FEZ2: variants seen among roughly 807,000 people sequenced by gnomAD.
The protein encoded by FEZ2 is fasciculation and elongation protein zeta 2.
In FEZ2, 51 loss-of-function variants were observed where a neutral mutation model predicts 40.4. The ratio of observed to expected loss-of-function variants is 1.26; its 90% CI spans 1.01 to 1.59. The LOEUF is 1.59. Ranked by LOEUF, FEZ2 falls within the 40% of genes most tolerant of loss-of-function variation. The probability of loss-of-function intolerance (pLI) is 0.00; values close to 1 mark genes in which losing one functional copy is unlikely to be tolerated. For missense variants in FEZ2, 640 were observed against 438.3 expected (o/e 1.46, Z -4.11); for synonymous variants, 242 against 172.0 (o/e 1.41, Z -3.18).
intron 7 of FEZ2, chr2:36,555,444 T>G: frequency 9.2e-6 from 3 of 327,344 alleles, no homozygotes; most frequent in Non-Finnish European, 1.1e-5. Context: ...CTCTTGATGT[T>G]TATAGTTTAA....
Position 36,583,398 on chromosome 2 carries a change from G to A in FEZ2, c.447C>T (p.Ile149=). 6.2e-7 allele frequency: 1 copy of A among 1,607,742 alleles called. No individual in the cohort carries two copies. The highest frequency in any genetic ancestry group is 2.2e-5 in the East Asian group (1 of 44,834). ...GTTCATCATTAACACAGGAGACGATGATTGAGTGCATATCCAGCTGTTCTC... is the reference window on the plus strand; with the variant it reads ...GTTCATCATTAACACAGGAGACGATAATTGAGTGCATATCCAGCTGTTCTC... ...ELREQLDMHS[I]IVSCVNDEPL... is the part of the protein sequence containing the mutation. Residue 149 remains isoleucine (I), a synonymous_variant, in exon 3 of 8, where the codon ATC becomes ATT. Transcript: ENST00000405912.
rs371619475 is a variant in FEZ2, at chr2:36,574,552, AAG to A, written c.903+4043_903+4044del. 1.7e-3 allele frequency among the ~76,000 whole-genome samples: 263 copies of A among 152,292 alleles called. 2 individuals are homozygous for A. The highest frequency in any genetic ancestry group is 6.2e-3 in the African/African-American group (256 of 41,560). On this transcript the variant is annotated intron_variant, in intron 5 of 7. Transcript: ENST00000405912. ...GAGGAGTAACACTAACCCCTCTAAA[AAG>A]AGAGAGTAGTCAACTCTGCATCGGA...
intron 5 of FEZ2, among the ~76,000 whole-genome samples, chr2:36,574,386 A>C (rs989808263): frequency 2.0e-5 from 3 of 152,196 alleles, no homozygotes; most frequent in African/African-American, 7.2e-5. Context: ...ATTCAGCAGA[A>C]ATTTATTAGG....
At chr2:36,593,003 C>T (rs905996886) in intron 1 of FEZ2, among the ~76,000 whole-genome samples, 1 of 152,138 alleles carries the variant, frequency 6.6e-6, no homozygotes, top group Non-Finnish European at 1.5e-5. Context: ...CTGTGGACTA[C>T]TAAATTTGCT....
intron 2 of FEZ2, among the ~76,000 whole-genome samples, chr2:36,585,129 T>C (rs535505869): frequency 6.6e-6 from 1 of 152,108 alleles, no homozygotes; most frequent in South Asian, 2.1e-4. Context: ...ATTAAAAGGA[T>C]CAGGAATCAA....
At chr2:36,585,388 G>C (rs2125238486) in intron 2 of FEZ2, among the ~76,000 whole-genome samples, 1 of 152,248 alleles carries the variant, frequency 6.6e-6, no homozygotes, top group South Asian at 2.1e-4. Flanking sequence ...GTGACAAAGA[G>C]AATTCTCGTA....
chr2:36,553,745 G>T (rs1283905896), intron 7 of FEZ2, among the ~76,000 whole-genome samples: 1 of 152,058 alleles, frequency 6.6e-6, no homozygotes, highest in Admixed American at 6.5e-5. Context: ...TCTGACATTT[G>T]CATTAAAACT....
intron 5 of FEZ2, among the ~76,000 whole-genome samples, chr2:36,572,152 C>A (rs992031392): frequency 6.6e-6 from 1 of 150,756 alleles, no homozygotes; most frequent in African/African-American, 2.4e-5. Context: ...TTTTGTTTGT[C>A]TCCATATTTA....
chr2:36,588,243 G>T (rs1668961836), intron 2 of FEZ2, among the ~76,000 whole-genome samples: 1 of 152,018 alleles, frequency 6.6e-6, no homozygotes, highest in Non-Finnish European at 1.5e-5. Context: ...GGTAAGGCTG[G>T]TCTCAAACTC....
At chr2:36,575,620 C>A (rs910197186) in intron 5 of FEZ2, among the ~76,000 whole-genome samples, 1 of 152,210 alleles carries the variant, frequency 6.6e-6, no homozygotes, top group African/African-American at 2.4e-5. Flanking sequence ...AATCATATTT[C>A]ACTTTTATAA....
At chr2:36,567,468 A>C (rs1351219117) in intron 5 of FEZ2, among the ~76,000 whole-genome samples, 8 of 152,164 alleles carry the variant, frequency 5.3e-5, no homozygotes. Context: ...TGACTAAGAA[A>C]TCTCAAACCC....
At chr2:36,594,802 A>G (rs1250791271) in intron 1 of FEZ2, among the ~76,000 whole-genome samples, 2 of 152,232 alleles carry the variant, frequency 1.3e-5, no homozygotes, top group Non-Finnish European at 2.9e-5. Context: ...CTTCTTAAAC[A>G]AGGCTATAAG....
rs201859002 is a variant in FEZ2, at chr2:36,560,756, G to A, written c.904-2243C>T. ...CTTACACAGAAAATGAAAAAGCAGA[G>A]AATGAGGAAAATAAGGATAACCGAG... On this transcript the variant is annotated intron_variant, in intron 5 of 7. Transcript: ENST00000405912. The A allele has an allele frequency of 8.7e-5, 124 of 1,432,192 alleles. No individual in the cohort carries two copies. The Middle Eastern group carries it at 1.4e-3, about 16-fold the overall frequency. The allele number at this position is 1,432,192 out of a possible 1,614,324, so 88.7% of individuals were successfully genotyped here.
chr2:36,572,017 GAAA>G (rs34787798), intron 5 of FEZ2, among the ~76,000 whole-genome samples: 2 of 110,110 alleles, frequency 1.8e-5, no homozygotes, highest in African/African-American at 6.2e-5. Context: ...TCCGTCTCAG[GAAA>G]AAAAAAAAAA....
chr2:36,593,893 T>G (rs529858905), intron 1 of FEZ2, among the ~76,000 whole-genome samples: 1 of 152,106 alleles, frequency 6.6e-6, no homozygotes, highest in East Asian at 2.0e-4. Context: ...TCCAAACTTT[T>G]ATGCTCTGCT....
At chr2:36,583,548 G>A (rs1384885237) in intron 2 of FEZ2, 79 bp from the exon 3 acceptor site, 4 of 748,054 alleles carry the variant, frequency 5.3e-6, no homozygotes, top group African/African-American at 1.7e-5. Context: ...AAAAGAGGCT[G>A]CAGAGAAAAG....
intron 2 of FEZ2, among the ~76,000 whole-genome samples, chr2:36,586,617 A>G (rs916443053): frequency 1.4e-5 from 2 of 144,548 alleles, no homozygotes; most frequent in South Asian, 2.3e-4. Flanking sequence ...ACAGAGCCAG[A>G]CCATGTCTCA....
chr2:36,572,655 G>A (rs1298180534), intron 5 of FEZ2, among the ~76,000 whole-genome samples: 1 of 152,166 alleles, frequency 6.6e-6, no homozygotes, highest in African/African-American at 2.4e-5. Flanking sequence ...TCATAAAACA[G>A]GTGAAGAGTT....
At chr2:36,592,636 C>T (rs1669102718) in intron 1 of FEZ2, among the ~76,000 whole-genome samples, 1 of 113,134 alleles carries the variant, frequency 8.8e-6, no homozygotes, top group South Asian at 2.8e-4. Flanking sequence ...GGGAGCCCCA[C>T]ATCTCTACAA....
Sources: allele counts gnomAD v4.1 joint callset (sites outside exome capture counted in the v4.1 genomes callset), GRCh38; gene constraint gnomAD v4.1.1; transcripts MANE v1.5; gene names NCBI Gene and HGNC (gene_info 2026-07-23, HGNC 2026-07-21).